The following GRIK4 variants were observed in gnomAD, a reference collection of about 807,000 sequenced individuals.
GRIK4 encodes glutamate receptor ionotropic, kainate 4.
In GRIK4, 40 loss-of-function variants were observed where a neutral mutation model predicts 104.9. The observed-to-expected ratio is 0.38, with a 90% confidence interval of 0.30 to 0.50. The LOEUF (loss-of-function observed/expected upper bound fraction) is 0.50, where lower values mean the gene tolerates loss of function less well. Ranked by LOEUF, GRIK4 falls within the 20% of genes least tolerant of loss-of-function variation. The pLI is 0.93. For missense variants in GRIK4, 1,047 were observed against 1,308.1 expected (o/e 0.80, Z 3.08); for synonymous variants, 485 against 524.9 (o/e 0.92, Z 1.04).
At chr11:120,930,231 C>G (rs1943456196) in intron 13 of GRIK4, among the ~76,000 whole-genome samples, 1 of 152,178 alleles carries the variant, frequency 6.6e-6, no homozygotes, top group Non-Finnish European at 1.5e-5. Flanking sequence ...GTCTTTGTCT[C>G]CAAAACAGGG....
chr11:120,827,568 T>G (rs991858976), intron 6 of GRIK4, among the ~76,000 whole-genome samples: 1 of 152,244 alleles, frequency 6.6e-6, no homozygotes, highest in Non-Finnish European at 1.5e-5. Flanking sequence ...GGTGAATCCC[T>G]TAGTTCCATT....
At chr11:120,959,221 C>T (rs565188013) in intron 16 of GRIK4, among the ~76,000 whole-genome samples, 4 of 152,276 alleles carry the variant, frequency 2.6e-5, no homozygotes, top group South Asian at 4.2e-4. Context: ...TCAGAGAAGG[C>T]GAGTGGTTTT....
At chr11:120,688,940 C>G (rs1416220150) in intron 3 of GRIK4, among the ~76,000 whole-genome samples, 1 of 152,104 alleles carries the variant, frequency 6.6e-6, no homozygotes, top group Non-Finnish European at 1.5e-5. Context: ...CCTTTCTGCA[C>G]CAGGTCTTGG....
chr11:120,756,117 C>T (rs1008521971), intron 3 of GRIK4, among the ~76,000 whole-genome samples: 3 of 152,202 alleles, frequency 2.0e-5, no homozygotes, highest in Admixed American at 6.5e-5. Context: ...TGGTTGAGCA[C>T]TTGGTCACCT....
At chr11:120,695,740 A>T (rs1011848592) in intron 3 of GRIK4, among the ~76,000 whole-genome samples, 8 of 152,244 alleles carry the variant, frequency 5.3e-5, no homozygotes, top group Non-Finnish European at 1.0e-4. Flanking sequence ...ATGCAGTGTC[A>T]TTAGCAGGGC....
chr11:120,952,921 C>G lies in GRIK4; in HGVS notation c.1657C>G (p.Leu553Val), dbSNP rs775719156. ...FSPGVWLFML[L>V]AYLAVSCVLF... ...TCCGGGCGTCTGGCTCTTCATGCTTCTAGCCTATCTGGCCGTCAGCTGTGT... is the reference window on the plus strand; with the variant it reads ...TCCGGGCGTCTGGCTCTTCATGCTTGTAGCCTATCTGGCCGTCAGCTGTGT... Residue 553 changes from leucine (L) to valine (V), a missense_variant, in exon 15 of 21, where the codon CTA (leucine) becomes GTA (valine). Transcript: ENST00000527524. This position sits in a 1 kb window ranked among gnomAD's most constrained non-coding sequence, Gnocchi z 5.2. The G allele has an allele frequency of 1.9e-6, 3 of 1,613,972 alleles. No homozygotes were observed. The highest frequency in any genetic ancestry group is 2.5e-6 in the Non-Finnish European group (3 of 1,179,930).
At chr11:120,835,776 G>C (rs1023787332) in intron 7 of GRIK4, among the ~76,000 whole-genome samples, 2 of 152,132 alleles carry the variant, frequency 1.3e-5, no homozygotes, top group African/African-American at 4.8e-5. Flanking sequence ...CCTGATCTAC[G>C]TGTCAGTTTC....
chr11:120,689,819 C>T (rs1426425285), intron 3 of GRIK4, among the ~76,000 whole-genome samples: 2 of 152,158 alleles, frequency 1.3e-5, no homozygotes, highest in East Asian at 3.8e-4. Flanking sequence ...TTGGTTACTC[C>T]CACACCCCCG....
intron 1 of GRIK4, among the ~76,000 whole-genome samples, chr11:120,544,933 G>A (rs182000446): frequency 2.0e-5 from 3 of 152,282 alleles, no homozygotes; most frequent in Admixed American, 2.0e-4. Context: ...AGCACAGCCC[G>A]GACTCCCAGG....
chr11:120,529,859 C>G (rs183940756), intron 1 of GRIK4, among the ~76,000 whole-genome samples: 5 of 152,380 alleles, frequency 3.3e-5, no homozygotes, highest in African/African-American at 4.8e-5. Context: ...TGGGAGGCAG[C>G]TGCTGTTGAC....
intron 19 of GRIK4, among the ~76,000 whole-genome samples, chr11:120,968,062 G>A (rs184313792): frequency 2.6e-5 from 4 of 152,228 alleles, no homozygotes; most frequent in Admixed American, 2.0e-4. Context: ...ATGAGGGTAG[G>A]GTTGGTCATC....
chr11:120,723,282 A>G (rs1050875795), intron 3 of GRIK4, among the ~76,000 whole-genome samples: 4 of 152,064 alleles, frequency 2.6e-5, no homozygotes, highest in Non-Finnish European at 5.9e-5. Flanking sequence ...CTTGAAGGTG[A>G]TTTCCACCCA....
At chr11:120,908,085 T>C (rs995932069) in intron 13 of GRIK4, among the ~76,000 whole-genome samples, 1 of 152,136 alleles carries the variant, frequency 6.6e-6, no homozygotes, top group African/African-American at 2.4e-5. Context: ...CCCTTGGGGC[T>C]ATTGAATGTG....
intron 1 of GRIK4, among the ~76,000 whole-genome samples, chr11:120,578,640 A>G (rs530136608): frequency 2.0e-5 from 3 of 152,328 alleles, no homozygotes; most frequent in South Asian, 2.1e-4. Flanking sequence ...ACTCAGTACA[A>G]CTTGGTGGAA....
intron 3 of GRIK4, among the ~76,000 whole-genome samples, chr11:120,736,342 G>T (rs771023835): frequency 4.6e-5 from 7 of 152,068 alleles, no homozygotes; most frequent in Non-Finnish European, 1.0e-4. Context: ...TCTCTCTTCT[G>T]TCCTCAAGCA....
In GRIK4 at chr11:120,530,656, G is replaced by A. The variant is rs113708452; in HGVS notation, c.-159+18769G>A. 3.4e-3 allele frequency among the ~76,000 whole-genome samples: 520 copies of A among 152,266 alleles called. 2 individuals carry two copies. Among genetic ancestry groups the A allele is most frequent in the African/African-American group, 0.011 (469 of 41,544 alleles). On this transcript the variant is annotated intron_variant, in intron 1 of 20. Coordinates refer to ENST00000527524, the MANE Select transcript of GRIK4 (RefSeq NM_014619.5). ...ACGGAAGCCTCTGTCTTCGACAACC[G>A]CGTTACAGGGCGGACTGGGTTCTGC...
chr11:120,705,905 C>T (rs897720264), intron 3 of GRIK4, among the ~76,000 whole-genome samples: 10 of 152,144 alleles, frequency 6.6e-5, no homozygotes, highest in African/African-American at 1.9e-4. Context: ...TAGTAGTGTT[C>T]GTGGATTCTC....
intron 11 of GRIK4, among the ~76,000 whole-genome samples, chr11:120,893,272 T>G (rs1250478035): frequency 6.6e-6 from 1 of 152,220 alleles, no homozygotes; most frequent in Non-Finnish European, 1.5e-5. Context: ...CTGTGTCCCT[T>G]GGGGATGTTG....
At chr11:120,822,997 G>T (rs1000620738) in intron 6 of GRIK4, among the ~76,000 whole-genome samples, 2 of 152,168 alleles carry the variant, frequency 1.3e-5, no homozygotes, top group Admixed American at 6.5e-5. Flanking sequence ...GGTGCCCTTG[G>T]ACCATCGAAT....
Sources: gnomAD v4.1 joint callset for allele counts (sites outside exome capture counted in the v4.1 genomes callset) on GRCh38, gnomAD v4.1.1 for gene constraint, Gnocchi (gnomAD v3.1) non-coding constraint, MANE v1.5 for transcripts, NCBI Gene and HGNC (gene_info 2026-07-23, HGNC 2026-07-21) for gene names.